NRXN1: variants seen among roughly 807,000 people sequenced by gnomAD.
NRXN1 encodes the protein neurexin 1, also known as neurexin-1.
A neutral mutation model predicts 150.9 loss-of-function variants in NRXN1; 39 were observed. The observed-to-expected ratio is 0.26, with a 90% CI of 0.20 to 0.34. The LOEUF (loss-of-function observed/expected upper bound fraction) is 0.34, where lower values mean the gene tolerates loss of function less well. Ranked by LOEUF, NRXN1 falls within the 10% of genes least tolerant of loss-of-function variation. The probability of loss-of-function intolerance (pLI) is 1.00; values close to 1 mark genes in which losing one functional copy is unlikely to be tolerated. For synonymous variants in NRXN1, 924 were observed against 757.0 expected (o/e 1.22, Z -3.62); for missense variants, 1,815 against 1,949.9 (o/e 0.93, Z 1.30).
chr2:50,091,800 C>CT (rs1304237744), intron 18 of NRXN1, among the ~76,000 whole-genome samples: 1 of 152,194 alleles, frequency 6.6e-6, no homozygotes, highest in East Asian at 1.9e-4. Context: ...CTTTTGTGTA[C>CT]TTTAACACAA....
At chr2:50,915,724 A>G (rs537338123) in intron 5 of NRXN1, among the ~76,000 whole-genome samples, 1 of 151,478 alleles carries the variant, frequency 6.6e-6, no homozygotes, top group Non-Finnish European at 1.5e-5. Context: ...CCTTTGGCAG[A>G]TTACAGATCA....
intron 18 of NRXN1, among the ~76,000 whole-genome samples, chr2:50,197,105 C>T (rs1244075340): frequency 6.6e-6 from 1 of 152,066 alleles, no homozygotes; most frequent in East Asian, 1.9e-4. Flanking sequence ...TGGACAGAGT[C>T]TCCTAGCAAA....
At chr2:50,495,453 A>C (rs1265837342) in intron 15 of NRXN1, among the ~76,000 whole-genome samples, 1 of 150,772 alleles carries the variant, frequency 6.6e-6, no homozygotes, top group Non-Finnish European at 1.5e-5. Context: ...TGTTGGAGAC[A>C]CAGGGTTTCT....
chr2:50,062,345 G>A lies in NRXN1; in HGVS notation c.3719-7301C>T, dbSNP rs148360925. Among the ~76,000 whole-genome samples, 649 of 152,164 alleles carry A rather than the reference G, an allele frequency of 4.3e-3. 6 individuals carry two copies. The highest frequency in any genetic ancestry group is 0.015 in the African/African-American group (607 of 41,522). ...ACTCCCTTCCCTCCTTCTGTGATAC[G>A]AGGATACAATGAAAAGATGGTCACC... On this transcript the variant is annotated intron_variant, in intron 19 of 22. Transcript: ENST00000401669.
At chr2:50,661,676 G>A (rs975444152) in intron 5 of NRXN1, among the ~76,000 whole-genome samples, 2 of 151,974 alleles carry the variant, frequency 1.3e-5, no homozygotes, top group Admixed American at 1.3e-4. Context: ...AAATGATGAG[G>A]TTCTATACAG....
intron 17 of NRXN1, among the ~76,000 whole-genome samples, chr2:50,391,743 A>T (rs541074924): frequency 4.6e-5 from 7 of 152,122 alleles, no homozygotes; most frequent in Non-Finnish European, 1.0e-4. Context: ...AAAGCTTCTA[A>T]TTTACACAGA....
chr2:50,221,716 C>CT (rs970213728), intron 18 of NRXN1, among the ~76,000 whole-genome samples: 3 of 151,940 alleles, frequency 2.0e-5, no homozygotes, highest in African/African-American at 7.2e-5. Flanking sequence ...CTAGGTACAT[C>CT]TTTTTTCCAC....
intron 18 of NRXN1, among the ~76,000 whole-genome samples, chr2:50,144,666 G>A (rs1707755839): frequency 6.6e-6 from 1 of 151,842 alleles, no homozygotes; most frequent in Non-Finnish European, 1.5e-5. Context: ...ATATGCATAT[G>A]TAAATCAATC....
intron 2 of NRXN1, among the ~76,000 whole-genome samples, chr2:50,952,356 A>G (rs1691529348): frequency 6.6e-6 from 1 of 152,214 alleles, no homozygotes; most frequent in Non-Finnish European, 1.5e-5. Flanking sequence ...TAAACTTAAT[A>G]AACATTATTT....
chr2:51,031,630 C>T (rs1671569148), intron 1 of NRXN1, among the ~76,000 whole-genome samples: 1 of 152,098 alleles, frequency 6.6e-6, no homozygotes. Context: ...TCGGGGTCTA[C>T]TGCACAAATT....
intron 15 of NRXN1, among the ~76,000 whole-genome samples, chr2:50,478,409 A>C (rs74921785): frequency 0.016 from 2,368 of 152,320 alleles, 56 homozygotes; most frequent in African/African-American, 0.052. Flanking sequence ...AGGCTTGTAA[A>C]ATATTCAAAA....
Position 50,594,815 on chromosome 2 carries a change from T to C in NRXN1, c.1320+25207A>G, listed in dbSNP as rs112872876. 1.5e-3 allele frequency among the ~76,000 whole-genome samples: 236 copies of C among 152,294 alleles called. 1 individual carries two copies. Among genetic ancestry groups the C allele is most frequent in the African/African-American group, 5.5e-3 (229 of 41,568 alleles). On this transcript the variant is annotated intron_variant, in intron 8 of 22. Transcript: ENST00000401669. ...GCCATCTTTCACCACAGCGTGTTTT[T>C]ACCTCTTGTCTTACTCCATCCTATC...
chr2:50,323,089 G>A (rs369368214), intron 17 of NRXN1, among the ~76,000 whole-genome samples: 14 of 152,082 alleles, frequency 9.2e-5, no homozygotes, highest in East Asian at 3.9e-4. Context: ...AAAACTTATC[G>A]GAAGCTTTCT....
chr2:50,255,760 C>A (rs1027316468), intron 17 of NRXN1, among the ~76,000 whole-genome samples: 2 of 152,130 alleles, frequency 1.3e-5, no homozygotes, highest in Admixed American at 6.6e-5. Flanking sequence ...TGCATGCCAT[C>A]TGTTTTCAAA....
intron 12 of NRXN1, among the ~76,000 whole-genome samples, chr2:50,520,031 C>A (rs556123190): frequency 6.6e-6 from 1 of 151,976 alleles, no homozygotes; most frequent in South Asian, 2.1e-4. Flanking sequence ...CATTCCTATA[C>A]CATGGCTCTA....
intron 5 of NRXN1, among the ~76,000 whole-genome samples, chr2:50,702,920 A>G (rs139394655): frequency 1.1e-3 from 170 of 152,184 alleles, no homozygotes; most frequent in African/African-American, 3.9e-3. Context: ...CCCTATCAGG[A>G]TGCCCTTTTT....
intron 18 of NRXN1, among the ~76,000 whole-genome samples, chr2:50,224,327 G>A (rs2064153170): frequency 6.6e-6 from 1 of 151,886 alleles, no homozygotes; most frequent in Non-Finnish European, 1.5e-5. Context: ...AATGCAGTCT[G>A]CTCATTGGTA....
At chr2:50,579,440 T>G (rs919076634) in intron 8 of NRXN1, among the ~76,000 whole-genome samples, 1 of 152,194 alleles carries the variant, frequency 6.6e-6, no homozygotes, top group Admixed American at 6.5e-5. Flanking sequence ...GCAGGAGGAT[T>G]GCTTGAACCC....
chr2:50,743,154 T>G (rs858938), intron 5 of NRXN1, among the ~76,000 whole-genome samples: 31,422 of 152,188 alleles, frequency 0.21, 3,240 homozygotes, highest in Admixed American at 0.22. Context: ...AATTTGATTT[T>G]ACTTTTGCAT....
Sources: allele counts gnomAD v4.1 joint callset (sites outside exome capture counted in the v4.1 genomes callset), GRCh38; gene constraint gnomAD v4.1.1; transcripts MANE v1.5; gene names NCBI Gene and HGNC (gene_info 2026-07-23, HGNC 2026-07-21).